Variants in PRKG1 observed in about 807,000 individuals in gnomAD.
The protein encoded by PRKG1 is cGMP-dependent protein kinase 1.
PRKG1 carries 35 observed loss-of-function variants against 88.1 expected under a neutral mutation model. The observed-to-expected ratio is 0.40, with a 90% confidence interval of 0.30 to 0.53. The LOEUF is 0.53. Ranked by LOEUF, PRKG1 falls within the 20% of genes least tolerant of loss-of-function variation. The probability of loss-of-function intolerance (pLI) is 0.59; values close to 1 mark genes in which losing one functional copy is unlikely to be tolerated. For synonymous variants in PRKG1, 303 were observed against 292.5 expected (o/e 1.04, Z -0.37); for missense variants, 540 against 839.8 (o/e 0.64, Z 4.41).
chr10:51,114,238 T>C (rs1159515407), intron 1 of PRKG1, among the ~76,000 whole-genome samples: 1 of 152,168 alleles, frequency 6.6e-6, no homozygotes, highest in African/African-American at 2.4e-5. Flanking sequence ...ATATGAAAGC[T>C]AGGGAGGTTG....
chr10:52,124,280 T>C (rs1363624446), intron 7 of PRKG1, among the ~76,000 whole-genome samples: 1 of 152,214 alleles, frequency 6.6e-6, no homozygotes, highest in African/African-American at 2.4e-5. Flanking sequence ...CTAGGTTGTA[T>C]AGCCTACTAC....
intron 8 of PRKG1, among the ~76,000 whole-genome samples, chr10:52,146,276 C>T (rs1291145364): frequency 6.6e-6 from 1 of 151,932 alleles, no homozygotes; most frequent in African/African-American, 2.4e-5. Flanking sequence ...TAAATATAAC[C>T]CTACCATTCA....
At chr10:51,047,046 GA>G (rs1843497801) in intron 1 of PRKG1, among the ~76,000 whole-genome samples, 1 of 152,154 alleles carries the variant, frequency 6.6e-6, no homozygotes, top group African/African-American at 2.4e-5. Flanking sequence ...AACTAGGCCA[GA>G]ATATTTAAGT....
In PRKG1 at chr10:51,199,350, TATG is replaced by T. The variant is rs552760255; in HGVS notation, c.478+46023_478+46025del. On this transcript the variant is annotated intron_variant, in intron 2 of 17. Transcript: ENST00000373980. ...ATGCTAGTATCCCTTTAACTGCTCT[TATG>T]ATATAACACCCATTAAGAATACACT... 8.5e-5 allele frequency among the ~76,000 whole-genome samples: 13 copies of T among 152,320 alleles called. No individual in the cohort carries two copies. The South Asian group carries it at 2.7e-3, about 32-fold the overall frequency.
chr10:51,546,644 G>A (rs1002754429), intron 3 of PRKG1, among the ~76,000 whole-genome samples: 4 of 152,036 alleles, frequency 2.6e-5, no homozygotes, highest in East Asian at 1.9e-4. Flanking sequence ...GGTTTTCTAC[G>A]TACTTCCTTC....
At chr10:52,043,902 G>A (rs1232097167) in intron 5 of PRKG1, among the ~76,000 whole-genome samples, 2 of 124,410 alleles carry the variant, frequency 1.6e-5, no homozygotes, top group Admixed American at 9.6e-5. Context: ...TCATTGAAGA[G>A]CCCAGTTAAA....
intron 3 of PRKG1, among the ~76,000 whole-genome samples, chr10:51,517,964 A>T (rs1167489519): frequency 2.6e-5 from 4 of 152,096 alleles, no homozygotes; most frequent in Admixed American, 6.6e-5. Flanking sequence ...AAAGTCTGGC[A>T]TGTGTGCAAG....
At chr10:51,333,956 T>C (rs1053374780) in intron 2 of PRKG1, among the ~76,000 whole-genome samples, 1 of 152,220 alleles carries the variant, frequency 6.6e-6, no homozygotes, top group Non-Finnish European at 1.5e-5. Context: ...TTTTAACAAA[T>C]TGCACCCAGA....
intron 14 of PRKG1, among the ~76,000 whole-genome samples, chr10:52,283,983 C>T (rs1296704375): frequency 2.0e-5 from 3 of 152,008 alleles, no homozygotes; most frequent in Non-Finnish European, 2.9e-5. Context: ...CATTTCTCTA[C>T]AATCATTGTT....
rs565379028 is a variant in PRKG1 at position 51,597,083 on chromosome 10, A to G, written c.592+129247A>G. 1.3e-4 allele frequency among the ~76,000 whole-genome samples: 20 copies of G among 152,178 alleles called. No homozygotes were observed. The South Asian group carries it at 3.9e-3, about 30-fold the overall frequency. ...ACTTATCTAGGGTTAGGAAAAGTATATTTTTTCAATTTCCTTTCAAATTCA... is the reference window on the plus strand; with the variant it reads ...ACTTATCTAGGGTTAGGAAAAGTATGTTTTTTCAATTTCCTTTCAAATTCA... On this transcript the variant is annotated intron_variant, in intron 3 of 17. Transcript: ENST00000373980.
intron 2 of PRKG1, among the ~76,000 whole-genome samples, chr10:51,263,118 A>G (rs549679986): frequency 1.3e-5 from 2 of 152,282 alleles, no homozygotes; most frequent in East Asian, 3.9e-4. Context: ...ACAAGCCTTT[A>G]TAGGATTGGG....
chr10:51,297,899 A>T (rs1840763486), intron 2 of PRKG1, among the ~76,000 whole-genome samples: 1 of 152,098 alleles, frequency 6.6e-6, no homozygotes, highest in Non-Finnish European at 1.5e-5. Flanking sequence ...AAAATAATGC[A>T]AGCAGTTCTT....
Position 51,649,730 on chromosome 10 carries a change from C to T in PRKG1, c.593-154855C>T, listed in dbSNP as rs1027265862. Among the ~76,000 whole-genome samples the T allele has an allele frequency of 3.0e-4, 46 of 152,236 alleles. 1 individual carries two copies. The highest frequency in any genetic ancestry group is 1.1e-3 in the African/African-American group (46 of 41,558). On this transcript the variant is annotated intron_variant, in intron 3 of 17. Coordinates refer to ENST00000373980, the MANE Select transcript of PRKG1 (RefSeq NM_006258.4). ...ACACTCTATAGTGTGGGTGCAGACC[C>T]GAGCAGTGGCTCAAGGGCCTGTATA...
chr10:51,310,994 C>T (rs1165457809), intron 2 of PRKG1, among the ~76,000 whole-genome samples: 4 of 152,058 alleles, frequency 2.6e-5, no homozygotes, highest in African/African-American at 4.8e-5. Flanking sequence ...AAGGCTGTTT[C>T]CAGCCTGTGC....
intron 1 of PRKG1, among the ~76,000 whole-genome samples, chr10:51,061,379 A>G: frequency 6.6e-6 from 1 of 152,168 alleles, no homozygotes; most frequent in East Asian, 1.9e-4. Flanking sequence ...GGTCCCTCTC[A>G]CAACACGGGA....
At chr10:51,481,441 G>T (rs970309767) in intron 3 of PRKG1, among the ~76,000 whole-genome samples, 3 of 152,124 alleles carry the variant, frequency 2.0e-5, no homozygotes, top group African/African-American at 7.2e-5. Flanking sequence ...TAAAGACAAG[G>T]TTTCGCCATG....
At chr10:52,007,146 C>T (rs778820690) in intron 5 of PRKG1, among the ~76,000 whole-genome samples, 8 of 152,146 alleles carry the variant, frequency 5.3e-5, no homozygotes, top group Non-Finnish European at 1.0e-4. Context: ...AAAGGAAAGA[C>T]CGTTACCAGC....
At chr10:51,473,950 A>G (rs1390756243) in intron 3 of PRKG1, among the ~76,000 whole-genome samples, 1 of 151,982 alleles carries the variant, frequency 6.6e-6, no homozygotes, top group Non-Finnish European at 1.5e-5. Flanking sequence ...AGGAATAAAA[A>G]GTAAACTAGT....
intron 7 of PRKG1, among the ~76,000 whole-genome samples, chr10:52,117,183 T>C (rs1299676895): frequency 6.6e-6 from 1 of 151,184 alleles, no homozygotes; most frequent in African/African-American, 2.4e-5. Context: ...TGTGTGTGTG[T>C]GTGTGTGTGT....
Sources: gnomAD v4.1 joint callset for allele counts (sites outside exome capture counted in the v4.1 genomes callset) on GRCh38, gnomAD v4.1.1 for gene constraint, MANE v1.5 for transcripts, NCBI Gene and HGNC (gene_info 2026-07-23, HGNC 2026-07-21) for gene names.